Variants in ZNF662 observed in about 807,000 individuals in gnomAD.
ZNF662 encodes zinc finger protein 662.
ZNF662 carries 14 observed loss-of-function variants against 12.4 expected under a neutral mutation model. That is an observed-to-expected ratio of 1.13 (90% confidence interval 0.75 to 1.77). The LOEUF (loss-of-function observed/expected upper bound fraction) is 1.77. ZNF662 is among the 40% of genes most tolerant of loss of function. The pLI is 0.00. For missense variants in ZNF662, 550 were observed against 515.6 expected (o/e 1.07, Z -0.65); for synonymous variants, 184 against 176.4 (o/e 1.04, Z -0.34).
chr3:42,906,486 G>A lies in ZNF662; in HGVS notation c.-94+318G>A. 1 of 1,388,664 alleles carries A rather than the reference G, an allele frequency of 7.2e-7. No homozygotes were observed. Among genetic ancestry groups the A allele is most frequent in the Non-Finnish European group, 9.3e-7 (1 of 1,072,550 alleles). The allele number at this position is 1,388,664 out of a possible 1,614,324, so 86.0% of individuals were successfully genotyped here. On this transcript the variant is annotated intron_variant, in intron 1 of 4. Coordinates refer to ENST00000440367, the MANE Select transcript of ZNF662 (RefSeq NM_207404.4). The surrounding 1 kb of genome is among the most constrained non-coding windows in gnomAD (Gnocchi z 4.4). ...CTGGAAGCAGTCTTGGCCCTGCCCT[G>A]GGTTCTAGGCCCGGAGACGGGGTGG...
At position 42,915,391 on chromosome 3, in the gene ZNF662, T is replaced by G. The variant is rs754580117; in HGVS notation, c.*37T>G. On this transcript the variant is annotated 3_prime_UTR_variant, in exon 5 of 5. Coordinates refer to ENST00000440367, the MANE Select transcript of ZNF662 (RefSeq NM_207404.4). The stretch of plus-strand genomic sequence containing the variant: ...TGGTGATACTTGTTTATAATTCTTA[T>G]GCTGCAGGAACCCTAGAGACAAAAT... The G allele has an allele frequency of 4.0e-6, 6 of 1,514,764 alleles. No individual in the cohort carries two copies. Among genetic ancestry groups the G allele is most frequent in the Non-Finnish European group, 5.3e-6 (6 of 1,131,868 alleles). 93.8% of individuals were successfully genotyped at this position (1,514,764 alleles called of 1,614,324 possible).
intron 1 of ZNF662, chr3:42,907,705 G>A: frequency 1.0e-6 from 1 of 985,486 alleles, no homozygotes; most frequent in Non-Finnish European, 1.2e-6. Flanking sequence ...AGGACACATT[G>A]TGGAGAGAGG....
At position 42,910,473 on chromosome 3, in the gene ZNF662, A is replaced by G. The variant is rs78770835; in HGVS notation, c.151+1564A>G. ...GTTTTGCCTCTTCCCCATCGCTGAT[A>G]TTATGGCTACCATGTATCTTTGCCC... is the stretch of plus-strand genomic sequence containing the variant. On this transcript the variant is annotated intron_variant, in intron 3 of 4. Coordinates refer to ENST00000440367, the MANE Select transcript of ZNF662 (RefSeq NM_207404.4). Among the ~76,000 whole-genome samples the G allele has an allele frequency of 6.6e-3, 1,012 of 152,226 alleles. 10 individuals are homozygous for G. Among genetic ancestry groups the G allele is most frequent in the African/African-American group, 0.023 (953 of 41,534 alleles).
Position 42,908,814 on chromosome 3 carries a change from C to A in ZNF662, c.56C>A (p.Pro19Gln). 6.2e-7 allele frequency: 1 copy of A among 1,614,066 alleles called. No homozygotes were observed. Among genetic ancestry groups the A allele is most frequent in the Non-Finnish European group, 8.5e-7 (1 of 1,179,970 alleles). Residue 19 changes from proline (P) to glutamine (Q), a missense_variant, in exon 3 of 5, where the codon CCG (proline) becomes CAG (glutamine). Physicochemically the swap from Pro to Gln is moderately conservative, Grantham distance 76. Transcript: ENST00000440367. ...ASLAAFPFPK[P>Q]ALISQLERGE... ...TAAGCAGCATTTCCATTTCCCAAAC[C>A]GGCTCTGATTTCCCAGCTGGAGCGA...
chr3:42,912,726 T>TATATATATAAATATATATATATATTTTTC (rs1559381629), intron 3 of ZNF662, among the ~76,000 whole-genome samples: 4 of 117,350 alleles, frequency 3.4e-5, no homozygotes, highest in African/African-American at 1.3e-4. Context: ...ATATATTTTT[T>TATATATATAAATATATATATATATTTTTC]ATATATATAA....
rs1204228659 is a variant in ZNF662 at position 42,916,360 on chromosome 3, C to CTTTTTTT, written c.*1023_*1029dup. 1 of 104,458 alleles carries CTTTTTTT rather than the reference C, an allele frequency of 9.6e-6. No homozygotes were observed. Among genetic ancestry groups the CTTTTTTT allele is most frequent in the African/African-American group, 3.8e-5 (1 of 26,392 alleles). 6.5% of individuals were successfully genotyped at this position (104,458 alleles called of 1,614,324 possible). On this transcript the variant is annotated 3_prime_UTR_variant, in exon 5 of 5. Coordinates refer to ENST00000440367, the MANE Select transcript of ZNF662 (RefSeq NM_207404.4). ...GGAAACAGCAGAGGGTAATCCAGGT[C>CTTTTTTT]TTTTTTTTTTTTTTTTTTTTTTTAG...
At position 42,908,148 on chromosome 3, in the gene ZNF662, G is replaced by A. The variant is rs769032131; in HGVS notation, c.34G>A (p.Ala12Thr). The part of the protein sequence containing the change: ...LENYGAVASL[A>T]AFPFPKPALI... ...GAATTATGGGGCTGTGGCTTCCCTGGGTAAGGGTCTCTCCCTTTGGGCCCT... is the reference window on the plus strand; with the variant it reads ...GAATTATGGGGCTGTGGCTTCCCTGAGTAAGGGTCTCTCCCTTTGGGCCCT... Residue 12 changes from alanine to threonine, a missense_variant and splice_region_variant, in exon 2 of 5, where the codon GCA becomes ACA. Physicochemically the swap from Ala to Thr is moderately conservative, Grantham distance 58. Transcript: ENST00000440367. 4.3e-6 allele frequency: 7 copies of A among 1,612,524 alleles called. No homozygotes were observed. Among genetic ancestry groups the A allele is most frequent in the Non-Finnish European group, 5.9e-6 (7 of 1,178,850 alleles).
At chr3:42,912,487 A>C (rs1385089970) in intron 3 of ZNF662, among the ~76,000 whole-genome samples, 2 of 32,552 alleles carry the variant, frequency 6.1e-5, no homozygotes, top group Non-Finnish European at 1.1e-4. Flanking sequence ...TATATATTTA[A>C]TATATATTTA....
chr3:42,908,930 C>A (rs768118610), intron 3 of ZNF662, 21 bp downstream of exon 3: 2 of 1,552,780 alleles, frequency 1.3e-6, no homozygotes, highest in South Asian at 1.1e-5. Context: ...GCACACGTGC[C>A]GGTCATCTGA....
At position 42,917,494 on chromosome 3, in the gene ZNF662, T is replaced by C. The variant is rs761566862; in HGVS notation, c.*2140T>C. 3.0e-5 allele frequency: 21 copies of C among 702,302 alleles called. No individual in the cohort carries two copies. The highest frequency in any genetic ancestry group is 5.5e-5 in the Non-Finnish European group (21 of 384,854). 43.5% of individuals were successfully genotyped at this position (702,302 alleles called of 1,614,324 possible). A position where few individuals can be genotyped will look rare whatever the true frequency, so the allele number is the denominator to read the frequency against. On this transcript the variant is annotated 3_prime_UTR_variant, in exon 5 of 5. Coordinates refer to ENST00000440367, the MANE Select transcript of ZNF662 (RefSeq NM_207404.4). ...GGTGCTACCATATGGAGCCTAAGGA[T>C]AAAGCCAATACCAAAGAAAACAGTG...
chr3:42,918,966 T>A lies in ZNF662; in HGVS notation c.*3612T>A. Among the ~76,000 whole-genome samples, 1 of 152,214 alleles carries A rather than the reference T, an allele frequency of 6.6e-6. No individual in the cohort carries two copies. The highest frequency in any genetic ancestry group is 1.9e-4 in the East Asian group (1 of 5,204). ...CTGCTAAGATTGGGGTGTTTGGGGC[T>A]TGGCTTTCGTTAGCTCCCTTGGTCT... On this transcript the variant is annotated 3_prime_UTR_variant, in exon 5 of 5. Transcript: ENST00000440367.
At chr3:42,910,038 G>A (rs34420127) in intron 3 of ZNF662, among the ~76,000 whole-genome samples, 20,871 of 152,138 alleles carry the variant, frequency 0.14, 1,835 homozygotes, top group Middle Eastern at 0.21. Context: ...CCGAGATCAC[G>A]CCACTGCACT....
At position 42,916,009 on chromosome 3, in the gene ZNF662, G is replaced by A. The variant is rs1262822161; in HGVS notation, c.*655G>A. ...AGGACCAACAGTACATTTCTTTTAT[G>A]TTTTTCAAATCCTGAAACATTAATC... On this transcript the variant is annotated 3_prime_UTR_variant, in exon 5 of 5. Transcript: ENST00000440367. 1.3e-5 allele frequency: 2 copies of A among 151,976 alleles called. No homozygotes were observed. The highest frequency in any genetic ancestry group is 4.8e-5 in the African/African-American group (2 of 41,396). The allele number at this position is 151,976 out of a possible 1,614,324, so 9.4% of individuals were successfully genotyped here. A position where few individuals can be genotyped will look rare whatever the true frequency, so the allele number is the denominator to read the frequency against.
Position 42,916,323 on chromosome 3 carries a change from A to G in ZNF662, c.*969A>G, listed in dbSNP as rs913162669. On this transcript the variant is annotated 3_prime_UTR_variant, in exon 5 of 5. Coordinates refer to ENST00000440367, the MANE Select transcript of ZNF662 (RefSeq NM_207404.4). The stretch of plus-strand genomic sequence containing the variant: ...AAGTTGCTTTCCTTTTGAGGCCACC[A>G]AAGTAATTTAGGGAAACAGCAGAGG... 1.3e-5 allele frequency: 2 copies of G among 151,666 alleles called. No homozygotes were observed. Among genetic ancestry groups the G allele is most frequent in the Non-Finnish European group, 2.9e-5 (2 of 67,948 alleles). 9.4% of individuals were successfully genotyped at this position (151,666 alleles called of 1,614,324 possible). A position where few individuals can be genotyped will look rare whatever the true frequency, so the allele number is the denominator to read the frequency against.
rs1476231005 is a variant in ZNF662, at chr3:42,912,397, TTATA to T, written c.152-800_152-797del. On this transcript the variant is annotated intron_variant, in intron 3 of 4. Coordinates refer to ENST00000440367, the MANE Select transcript of ZNF662 (RefSeq NM_207404.4). ...TATATTAAATATATATAATATATAT[TTATA>T]TATTATATATTATATATATTAATAT... Among the ~76,000 whole-genome samples, 6 of 97,818 alleles carry T rather than the reference TTATA, an allele frequency of 6.1e-5. No homozygotes were observed. The East Asian group carries it at 1.5e-3, about 24-fold the overall frequency. The allele number at this position is 97,818 out of a possible 152,430, so 64.2% of individuals were successfully genotyped here. A position where few individuals can be genotyped will look rare whatever the true frequency, so the allele number is the denominator to read the frequency against.
At chr3:42,908,528 G>C in intron 2 of ZNF662, 7 of 1,294,592 alleles carry the variant, frequency 5.4e-6, no homozygotes, top group Non-Finnish European at 6.9e-6. Flanking sequence ...GGAGAGGACA[G>C]GTAAGAATTG....
At position 42,917,592 on chromosome 3, in the gene ZNF662, C is replaced by T; in HGVS notation, c.*2238C>T. 3 of 699,058 alleles carry T rather than the reference C, an allele frequency of 4.3e-6. No homozygotes were observed. The highest frequency in any genetic ancestry group is 5.4e-5 in the East Asian group (2 of 37,270). 43.3% of individuals were successfully genotyped at this position (699,058 alleles called of 1,614,324 possible). ...AGACCAAGCTTTACCTGAAGCAGAG[C>T]TACCTCAGAACTTTTCAGCTATGTG... On this transcript the variant is annotated 3_prime_UTR_variant, in exon 5 of 5. Transcript: ENST00000440367.
chr3:42,912,655 T>TATATATATATATTTTATATATATAA (rs2088828277), intron 3 of ZNF662, among the ~76,000 whole-genome samples: 1 of 46,712 alleles, frequency 2.1e-5, no homozygotes, highest in African/African-American at 1.1e-4. Flanking sequence ...TATATATAAA[T>TATATATATATATTTTATATATATAA]ATATATATAT....
intron 2 of ZNF662, 29 bp from the exon 3 acceptor site, chr3:42,908,764 C>A: frequency 6.2e-7 from 1 of 1,606,074 alleles, no homozygotes; most frequent in African/African-American, 1.3e-5. Context: ...ATGCCACTCA[C>A]CTGCCTGTCC....
Sources: allele counts gnomAD v4.1 joint callset (sites outside exome capture counted in the v4.1 genomes callset), GRCh38; gene constraint gnomAD v4.1.1; non-coding constraint Gnocchi (gnomAD v3.1); transcripts MANE v1.5; gene names NCBI Gene and HGNC (gene_info 2026-07-23, HGNC 2026-07-21).